The following ADGRD1 variants were observed in gnomAD, a reference collection of about 807,000 sequenced individuals.
The protein encoded by ADGRD1 is adhesion G protein-coupled receptor D1, also known as G-protein coupled receptor 133.
A neutral mutation model predicts 113.4 loss-of-function variants in ADGRD1; 77 were observed. That is an observed-to-expected ratio of 0.68 (90% CI 0.57 to 0.82). The LOEUF (loss-of-function observed/expected upper bound fraction) is 0.82, where lower values mean the gene tolerates loss of function less well. Ranked by LOEUF, ADGRD1 falls within the 40% of genes least tolerant of loss-of-function variation. The pLI is 0.00. For synonymous variants in ADGRD1, 474 were observed against 475.0 expected (o/e 1.00, Z 0.03); for missense variants, 1,036 against 1,139.1 (o/e 0.91, Z 1.30).
chr12:130,961,916 G>A (rs1482500531), intron 2 of ADGRD1, among the ~76,000 whole-genome samples: 2 of 152,176 alleles, frequency 1.3e-5, no homozygotes, highest in East Asian at 1.9e-4. Context: ...GCAATGCTTC[G>A]TTCGGCATCA....
intron 13 of ADGRD1, among the ~76,000 whole-genome samples, chr12:131,039,102 C>T (rs1026027994): frequency 3.3e-5 from 5 of 152,212 alleles, no homozygotes; most frequent in African/African-American, 1.2e-4. Flanking sequence ...GAGCTGTGTG[C>T]GGAGCAGGAA....
chr12:131,081,850 G>A (rs1842567376), intron 14 of ADGRD1, among the ~76,000 whole-genome samples: 1 of 152,062 alleles, frequency 6.6e-6, no homozygotes, highest in Admixed American at 6.5e-5. Flanking sequence ...ATTTGAAAAA[G>A]TATTCTCTTT....
Position 130,966,792 on chromosome 12 carries a change from C to CAT in ADGRD1, c.187+246_187+247insAT. ...ACTTCCCGTAATAGTTATTTCAAAGCTTTTTTTTTTGTAGAGATGGGGTCT... is the reference window on the plus strand; with the variant it reads ...ACTTCCCGTAATAGTTATTTCAAAGCATTTTTTTTTTTGTAGAGATGGGGTCT... On this transcript the variant is annotated intron_variant, in intron 3 of 24. Coordinates refer to ENST00000261654, the MANE Select transcript of ADGRD1 (RefSeq NM_198827.5). This position sits in a 1 kb window ranked among gnomAD's most constrained non-coding sequence, Gnocchi z 4.6. 8.5e-6 allele frequency: 3 copies of CAT among 353,112 alleles called. No individual in the cohort carries two copies. Among genetic ancestry groups the CAT allele is most frequent in the Non-Finnish European group, 1.1e-5 (2 of 183,472 alleles). The allele number at this position is 353,112 out of a possible 1,614,324, so 21.9% of individuals were successfully genotyped here.
At chr12:131,114,738 G>A (rs568195019) in intron 18 of ADGRD1, among the ~76,000 whole-genome samples, 2 of 151,916 alleles carry the variant, frequency 1.3e-5, no homozygotes, top group East Asian at 3.9e-4. Context: ...GTGGGGTGGG[G>A]GGGCATCAAA....
intron 13 of ADGRD1, among the ~76,000 whole-genome samples, chr12:131,031,722 C>T (rs1880774784): frequency 6.6e-6 from 1 of 152,156 alleles, no homozygotes; most frequent in Non-Finnish European, 1.5e-5. Flanking sequence ...GATTCTTGTG[C>T]CCCCAGGGTT....
chr12:131,071,078 G>C (rs1885127667), intron 13 of ADGRD1, among the ~76,000 whole-genome samples: 1 of 137,074 alleles, frequency 7.3e-6, no homozygotes. Context: ...GTGGGGCTAA[G>C]TGAAAGGAGG....
chr12:131,097,238 G>A (rs1566106535), intron 15 of ADGRD1, among the ~76,000 whole-genome samples: 1 of 152,190 alleles, frequency 6.6e-6, no homozygotes. Context: ...GACAGCAGGA[G>A]CCCCCAGGGT....
intron 15 of ADGRD1, among the ~76,000 whole-genome samples, chr12:131,086,719 C>T (rs559471306): frequency 7.2e-5 from 11 of 152,290 alleles, no homozygotes; most frequent in East Asian, 5.8e-4. Context: ...CCTCACTGGC[C>T]GACGGGCAGC....
At chr12:130,967,268 C>T (rs577717940) in intron 3 of ADGRD1, 3 of 234,414 alleles carry the variant, frequency 1.3e-5, no homozygotes, top group Non-Finnish European at 1.8e-5. Context: ...GATTAAGCAT[C>T]GCCTAAGACG....
intron 15 of ADGRD1, among the ~76,000 whole-genome samples, chr12:131,086,017 G>A (rs1043446428): frequency 1.3e-4 from 20 of 152,130 alleles, no homozygotes; most frequent in South Asian, 4.1e-4. Flanking sequence ...AGCAGCTCCC[G>A]GGAGGGGGCA....
chr12:130,959,644 G>A (rs1383091637), intron 2 of ADGRD1, among the ~76,000 whole-genome samples: 3 of 152,174 alleles, frequency 2.0e-5, no homozygotes, highest in Admixed American at 6.5e-5. Flanking sequence ...GGTAAACCGC[G>A]TCAATAAAGC....
intron 3 of ADGRD1, chr12:130,969,355 T>C (rs1482234786): frequency 1.4e-5 from 5 of 360,820 alleles, no homozygotes; most frequent in Non-Finnish European, 2.5e-5. Context: ...AGGAAGTGAG[T>C]GGTGGGTGAG....
At chr12:130,988,121 AT>A (rs35795802) in intron 6 of ADGRD1, 13,694 of 149,916 alleles carry the variant, frequency 0.091, 803 homozygotes, top group Middle Eastern at 0.15. Context: ...AATCTCTCAG[AT>A]TTTTTTTTTG....
chr12:131,108,135 C>G (rs1950273292), intron 17 of ADGRD1, among the ~76,000 whole-genome samples: 2 of 152,216 alleles, frequency 1.3e-5, no homozygotes, highest in South Asian at 4.1e-4. Context: ...GCCTTTCTGT[C>G]CCTGAGCCCT....
intron 12 of ADGRD1, among the ~76,000 whole-genome samples, chr12:131,008,282 C>T (rs1014624920): frequency 5.3e-5 from 8 of 152,238 alleles, no homozygotes; most frequent in African/African-American, 9.6e-5. Flanking sequence ...GTGCAGCTGC[C>T]GTGCGGGCAG....
chr12:131,044,358 C>T (rs11061305), intron 13 of ADGRD1, among the ~76,000 whole-genome samples: 15,551 of 152,180 alleles, frequency 0.1, 1,096 homozygotes, highest in Non-Finnish European at 0.15. Flanking sequence ...TGTTGCTGTC[C>T]GGCTCCCAGG....
intron 18 of ADGRD1, among the ~76,000 whole-genome samples, chr12:131,115,831 C>G (rs563270640): frequency 6.6e-6 from 1 of 152,116 alleles, no homozygotes; most frequent in African/African-American, 2.4e-5. Flanking sequence ...GCTTCATCAT[C>G]GAGGGGCTCA....
chr12:130,995,602 G>T (rs1294078979), intron 8 of ADGRD1, among the ~76,000 whole-genome samples: 1 of 152,182 alleles, frequency 6.6e-6, no homozygotes, highest in African/African-American at 2.4e-5. Flanking sequence ...GCAGCCAGCA[G>T]TTGCTAGCAA....
intron 17 of ADGRD1, among the ~76,000 whole-genome samples, chr12:131,107,137 C>G (rs370798870): frequency 1.8e-4 from 27 of 151,436 alleles, no homozygotes; most frequent in Middle Eastern, 3.4e-3. Context: ...CCCTGTGTCT[C>G]AATCCCAGGG....
Sources: gnomAD v4.1 joint callset for allele counts (sites outside exome capture counted in the v4.1 genomes callset) on GRCh38, gnomAD v4.1.1 for gene constraint, Gnocchi (gnomAD v3.1) non-coding constraint, MANE v1.5 for transcripts, NCBI Gene and HGNC (gene_info 2026-07-23, HGNC 2026-07-21) for gene names.